BCAR1: variants seen among roughly 807,000 people sequenced by gnomAD.
The protein encoded by BCAR1 is breast cancer anti-estrogen resistance protein 1.
In BCAR1, 30 loss-of-function variants were observed where a neutral mutation model predicts 67.6. That is an observed-to-expected ratio of 0.44 (90% CI 0.33 to 0.60). BCAR1 has a LOEUF of 0.60. BCAR1 is among the 20% of genes least tolerant of loss of function. The probability of loss-of-function intolerance (pLI) is 0.02; values close to 1 mark genes in which losing one functional copy is unlikely to be tolerated. For missense variants in BCAR1, 1,313 were observed against 1,222.3 expected (o/e 1.07, Z -1.11); for synonymous variants, 626 against 556.7 (o/e 1.12, Z -1.75).
At chr16:75,238,909 G>A (rs965751694) in intron 2 of BCAR1, 3 of 985,406 alleles carry the variant, frequency 3.0e-6, no homozygotes, top group Non-Finnish European at 3.6e-6. Context: ...TGGGGACCCA[G>A]CCTCAAGGCT....
chr16:75,236,648 T>C, intron 4 of BCAR1: 1 of 756,546 alleles, frequency 1.3e-6, no homozygotes, highest in African/African-American at 1.8e-5. Flanking sequence ...GCGGATACCC[T>C]CTCAGGAGCT....
At chr16:75,248,267 C>G (rs1002436930) in intron 1 of BCAR1, 2 of 1,460,276 alleles carry the variant, frequency 1.4e-6, no homozygotes, top group Admixed American at 4.8e-5. Flanking sequence ...ACGCCCCCAA[C>G]GCACACATGC....
chr16:75,236,614 G>C (rs969249991), intron 4 of BCAR1: 1 of 533,216 alleles, frequency 1.9e-6, no homozygotes, highest in Non-Finnish European at 3.1e-6. Flanking sequence ...TCCCAGGTGA[G>C]ATGACACATC....
intron 1 of BCAR1, chr16:75,264,599 C>A: frequency 7.7e-7 from 1 of 1,293,208 alleles, no homozygotes; most frequent in Non-Finnish European, 9.8e-7. Context: ...CTCATTTTTT[C>A]ATCTGTAAAT....
Position 75,234,339 on chromosome 16 carries a change from G to A in BCAR1, c.2011-404C>T, listed in dbSNP as rs55692238. ...CCAGCTCAGGAAGAGACTGGGCAGA[G>A]GGTGGGGTACCCGCAGAAAGTCCGC... On this transcript the variant is annotated intron_variant, in intron 5 of 6. Coordinates refer to ENST00000162330, the MANE Select transcript of BCAR1 (RefSeq NM_014567.5). Among the ~76,000 whole-genome samples the A allele has an allele frequency of 4.0e-3, 608 of 152,274 alleles. 2 individuals are homozygous for A. Among genetic ancestry groups the A allele is most frequent in the Non-Finnish European group, 6.9e-3 (469 of 67,996 alleles).
At chr16:75,239,826 GC>G (rs1305334690) in intron 2 of BCAR1, among the ~76,000 whole-genome samples, 3 of 152,208 alleles carry the variant, frequency 2.0e-5, no homozygotes, top group Admixed American at 1.3e-4. Flanking sequence ...GCACAGGGGA[GC>G]CTGGGGCAAG....
Position 75,264,287 on chromosome 16 carries a change from G to A in BCAR1, c.66+3628C>T, listed in dbSNP as rs369373582. On this transcript the variant is annotated intron_variant, in intron 1 of 6. Transcript: ENST00000393422. ...CAAATCAAACGGGGACCTCCCCATA[G>A]AGGCCCGCCCAGGCTGGGATGTGGC... 4.5e-4 allele frequency: 622 copies of A among 1,397,566 alleles called. 5 individuals are homozygous for A. The East Asian group carries it at 0.011, about 24-fold the overall frequency. The allele number at this position is 1,397,566 out of a possible 1,614,324, so 86.6% of individuals were successfully genotyped here. A position where few individuals can be genotyped will look rare whatever the true frequency, so the allele number is the denominator to read the frequency against.
intron 1 of BCAR1, among the ~76,000 whole-genome samples, chr16:75,244,088 G>A (rs995541946): frequency 4.6e-5 from 7 of 152,218 alleles, no homozygotes; most frequent in African/African-American, 1.7e-4. Flanking sequence ...AGGGAAGCCG[G>A]GTGTGAGAAC....
At position 75,235,215 on chromosome 16, in the gene BCAR1, G is replaced by A. The variant is rs759968698; in HGVS notation, c.1684C>T (p.Leu562Phe). Residue 562 changes from leucine (L) to phenylalanine (F), a missense_variant, in exon 5 of 7, where the codon CTC (leucine) becomes TTC (phenylalanine). Transcript: ENST00000162330. Reference sequence around the variant, plus strand: ...CCAGAGCCTCCCCGGCCAGCGTCGAGGGCCTGACCATGTGCCACCAGCGTC... The same window carrying A: ...CCAGAGCCTCCCCGGCCAGCGTCGAAGGCCTGACCATGTGCCACCAGCGTC... Reference protein sequence around the residue: ...HQTLVAHGQALDAGRGGSGAT... With the variant: ...HQTLVAHGQAFDAGRGGSGAT... The A allele has an allele frequency of 1.9e-5, 31 of 1,607,290 alleles. No homozygotes were observed. Among genetic ancestry groups the A allele is most frequent in the Non-Finnish European group, 2.3e-5 (27 of 1,177,020 alleles).
At chr16:75,242,348 G>A (rs2077371629) in intron 2 of BCAR1, 122 bp downstream of exon 2, 1 of 1,299,500 alleles carries the variant, frequency 7.7e-7, no homozygotes, top group Non-Finnish European at 9.8e-7. Flanking sequence ...TTTGACCCCA[G>A]ACCAAACACA....
Position 75,235,818 on chromosome 16 carries a change from C to T in BCAR1, c.1081G>A (p.Val361Met), listed in dbSNP as rs772356166. Reference protein sequence around the residue: ...PPPDSPPAEDVYDVPPPAPDL... With the variant: ...PPPDSPPAEDMYDVPPPAPDL... ...GGAGCCGGGGGCGGCACGTCATACA[C>T]GTCCTCGGCCGGCGGGGAGTCTGGA... The change falls in exon 5 of 7, where the codon GTG becomes ATG. Residue 361 changes from valine to methionine, a missense_variant. By Grantham distance (21) the Val-to-Met change is conservative. Transcript: ENST00000162330. The T allele has an allele frequency of 1.1e-5, 17 of 1,581,558 alleles. No individual in the cohort carries two copies. Among genetic ancestry groups the T allele is most frequent in the East Asian group, 4.6e-5 (2 of 43,588 alleles).
At chr16:75,242,416 C>G in intron 2 of BCAR1, 54 bp downstream of exon 2, 1 of 1,345,416 alleles carries the variant, frequency 7.4e-7, no homozygotes, top group Non-Finnish European at 9.6e-7. Flanking sequence ...TGCCCACAAA[C>G]CAGGGCCTGG....
upstream of BCAR1, chr16:75,252,334 C>T: frequency 6.5e-7 from 1 of 1,535,562 alleles, no homozygotes; most frequent in South Asian, 1.2e-5. Flanking sequence ...AAAACCTGGG[C>T]CTAGTACCCT....
rs1289565516 is a variant in BCAR1, at chr16:75,235,445, C to T, written c.1454G>A (p.Gly485Asp). The change falls in exon 5 of 7, where the codon GGT (glycine) becomes GAT (aspartate). Residue 485 changes from glycine to aspartate, a missense_variant. Gly to Asp is a moderately conservative substitution (Grantham distance 94). Transcript: ENST00000162330. ...GGGGCTACGCCAGCTCCCAGTCGCACCGGCGCTGCCTGCCAGGTCCAGAAG... is the reference window on the plus strand; with the variant it reads ...GGGGCTACGCCAGCTCCCAGTCGCATCGGCGCTGCCTGCCAGGTCCAGAAG... ...AHLLDLAGSA[G>D]ATGSWRSPSE... 2.5e-6 allele frequency: 4 copies of T among 1,607,758 alleles called. No individual in the cohort carries two copies. The Admixed American group carries it at 5.0e-5, about 20-fold the overall frequency.
chr16:75,251,009 C>G, intron 1 of BCAR1: 2 of 984,460 alleles, frequency 2.0e-6, no homozygotes, highest in Non-Finnish European at 2.4e-6. Context: ...CTTGCCCGCC[C>G]GGCCTCGGTC....
In BCAR1 at chr16:75,234,879, C is replaced by T. The variant is rs375056497; in HGVS notation, c.2010+10G>A. ...AGAAGAGGAGCCGGGGCTGGGCAGG[C>T]GGCACCCACCTGTAGGTGGACGTAG... On this transcript the variant is annotated intron_variant, in intron 5 of 6. Coordinates refer to ENST00000162330, the MANE Select transcript of BCAR1 (RefSeq NM_014567.5). 71 of 1,522,946 alleles carry T rather than the reference C, an allele frequency of 4.7e-5. No homozygotes were observed. Among genetic ancestry groups the T allele is most frequent in the South Asian group, 1.8e-4 (14 of 77,320 alleles). The allele number at this position is 1,522,946 out of a possible 1,614,324, so 94.3% of individuals were successfully genotyped here.
chr16:75,243,110 G>C lies in BCAR1; in HGVS notation c.13-20C>G. On this transcript the variant is annotated intron_variant, in intron 1 of 6. Transcript: ENST00000162330. Reference sequence around the variant, plus strand: ...CACGTTCTGGGGAGAGAGGACACAGGTGTGAGAACAGAAGGATGTGCATGG... The same window carrying C: ...CACGTTCTGGGGAGAGAGGACACAGCTGTGAGAACAGAAGGATGTGCATGG... 9 of 1,564,008 alleles carry C rather than the reference G, an allele frequency of 5.8e-6. No individual in the cohort carries two copies. Among genetic ancestry groups the C allele is most frequent in the Non-Finnish European group, 7.8e-6 (9 of 1,151,422 alleles).
Position 75,235,231 on chromosome 16 carries a change from C to T in BCAR1, c.1668G>A (p.Val556=), listed in dbSNP as rs1448603459. The T allele has an allele frequency of 3.1e-6, 5 of 1,607,118 alleles. No homozygotes were observed. The South Asian group carries it at 3.3e-5, about 11-fold the overall frequency. Residue 556 remains valine (V), a synonymous_variant, in exon 5 of 7, where the codon GTG becomes GTA. Transcript: ENST00000162330. ...CAGCGTCGAGGGCCTGACCATGTGC[C>T]ACCAGCGTCTGGTGCACGTCCTCCA... The part of the protein sequence containing the change: ...QKMEDVHQTL[V]AHGQALDAGR...
intron 1 of BCAR1, among the ~76,000 whole-genome samples, chr16:75,245,218 A>T (rs2077476904): frequency 6.6e-6 from 1 of 152,200 alleles, no homozygotes; most frequent in Admixed American, 6.5e-5. Context: ...ATCACAGCCC[A>T]TCGGGGGCGG....
Sources: allele counts gnomAD v4.1 joint callset (sites outside exome capture counted in the v4.1 genomes callset), GRCh38; gene constraint gnomAD v4.1.1; transcripts MANE v1.5; gene names NCBI Gene and HGNC (gene_info 2026-07-23, HGNC 2026-07-21).